KCND3: variants seen among roughly 807,000 people sequenced by gnomAD.
KCND3 encodes A-type voltage-gated potassium channel KCND3.
In KCND3, 9 loss-of-function variants were observed where a neutral mutation model predicts 51.1. The observed-to-expected ratio is 0.18, with a 90% CI of 0.11 to 0.31. The LOEUF is 0.31. KCND3 is among the 10% of genes least tolerant of loss of function. KCND3 has a pLI of 1.00. For missense variants in KCND3, 526 were observed against 903.8 expected, an observed-to-expected ratio of 0.58 and a Z score of 5.36; for synonymous variants, 349 against 368.0, an observed-to-expected ratio of 0.95 and a Z score of 0.59.
At chr1:111,778,523 A>G (rs748382255) in intron 5 of KCND3, 31 bp from the exon 6 acceptor site, 1 of 1,600,924 alleles carries the variant, frequency 6.2e-7, no homozygotes, top group Non-Finnish European at 8.6e-7. Context: ...AGAAGATAAA[A>G]ACACCATTGA....
intron 2 of KCND3, among the ~76,000 whole-genome samples, chr1:111,934,470 C>T (rs987117932): frequency 1.3e-5 from 2 of 152,176 alleles, no homozygotes; most frequent in Admixed American, 6.5e-5. Context: ...GCACCTCAGC[C>T]CCAGACATAG....
intron 2 of KCND3, among the ~76,000 whole-genome samples, chr1:111,936,193 C>T (rs1435324600): frequency 2.0e-5 from 3 of 152,234 alleles, no homozygotes; most frequent in Non-Finnish European, 4.4e-5. Context: ...TGGCTGTGTC[C>T]GTGGGGAGCT....
chr1:111,878,397 C>T (rs1669153578), intron 2 of KCND3, among the ~76,000 whole-genome samples: 1 of 152,212 alleles, frequency 6.6e-6, no homozygotes, highest in Non-Finnish European at 1.5e-5. Context: ...ACTCTGCTTC[C>T]ACCCCAGCCT....
chr1:111,906,742 T>C (rs1427672673), intron 2 of KCND3, among the ~76,000 whole-genome samples: 1 of 152,134 alleles, frequency 6.6e-6, no homozygotes, highest in Non-Finnish European at 1.5e-5. Flanking sequence ...TCTTTCCTTA[T>C]TCCAGATCTC....
At chr1:111,922,564 T>C (rs1671520995) in intron 2 of KCND3, among the ~76,000 whole-genome samples, 1 of 152,262 alleles carries the variant, frequency 6.6e-6, no homozygotes, top group African/African-American at 2.4e-5. Flanking sequence ...TTGCTTATCC[T>C]CTCTGTGCCT....
chr1:111,969,049 A>G (rs948951013), intron 2 of KCND3, among the ~76,000 whole-genome samples: 3 of 152,066 alleles, frequency 2.0e-5, no homozygotes, highest in African/African-American at 4.8e-5. Flanking sequence ...GAAGTTTATA[A>G]TACATGAAAG....
At chr1:111,782,183 GTTCATCTGCTAAAAGGAGGCC>G (rs1664416997) in intron 3 of KCND3, among the ~76,000 whole-genome samples, 1 of 152,150 alleles carries the variant, frequency 6.6e-6, no homozygotes, top group Non-Finnish European at 1.5e-5. Flanking sequence ...TGCTGGGCTG[GTTCATCTGCTAAAAGGAGGCC>G]ACAGTCTCAG....
chr1:111,822,687 T>C (rs1429426641), intron 2 of KCND3, among the ~76,000 whole-genome samples: 3 of 152,256 alleles, frequency 2.0e-5, no homozygotes, highest in African/African-American at 2.4e-5. Flanking sequence ...TGAATACCTG[T>C]TGGAGTCCTG....
rs990437269 is a variant in KCND3 at position 111,773,711 on chromosome 1, G to T, written c.*2366C>A. The stretch of plus-strand genomic sequence containing the variant: ...GCTGGGATTACAGATGTGAGCCACC[G>T]CGCCCAGCCCTATTTACCTCTTTAT... On this transcript the variant is annotated 3_prime_UTR_variant, in exon 8 of 8. Transcript: ENST00000302127. The T allele has an allele frequency of 6.6e-6, 1 of 152,014 alleles. No individual in the cohort carries two copies. The highest frequency in any genetic ancestry group is 2.1e-4 in the South Asian group (1 of 4,820). The allele number at this position is 152,014 out of a possible 1,614,324, so 9.4% of individuals were successfully genotyped here.
chr1:111,878,709 G>A (rs539004648), intron 2 of KCND3, among the ~76,000 whole-genome samples: 3 of 152,340 alleles, frequency 2.0e-5, no homozygotes, highest in African/African-American at 4.8e-5. Context: ...CTGCCCCCTG[G>A]AACAGCAGTT....
At chr1:111,830,616 T>C (rs1666793842) in intron 2 of KCND3, among the ~76,000 whole-genome samples, 1 of 152,182 alleles carries the variant, frequency 6.6e-6, no homozygotes, top group South Asian at 2.1e-4. Flanking sequence ...GTAAGGCTGG[T>C]TTTCTTTATA....
rs115016274 is a variant in KCND3 at position 111,832,004 on chromosome 1, G to A, written c.1107-44898C>T. Reference sequence around the variant, plus strand: ...CATGGTTATGGAAGCCCACTGAACTGGGATCCTCAATGGGGGGAATATACT... The same window carrying A: ...CATGGTTATGGAAGCCCACTGAACTAGGATCCTCAATGGGGGGAATATACT... On this transcript the variant is annotated intron_variant, in intron 2 of 7. Transcript: ENST00000302127. Among the ~76,000 whole-genome samples the A allele has an allele frequency of 7.5e-4, 114 of 152,292 alleles. 2 individuals are homozygous for A. Among genetic ancestry groups the A allele is most frequent in the African/African-American group, 2.6e-3 (107 of 41,562 alleles).
At chr1:111,978,611 C>T (rs1190286583) in intron 2 of KCND3, among the ~76,000 whole-genome samples, 1 of 152,190 alleles carries the variant, frequency 6.6e-6, no homozygotes, top group Non-Finnish European at 1.5e-5. Context: ...ACAAGAAGAT[C>T]TCCACAGTAC....
intron 2 of KCND3, among the ~76,000 whole-genome samples, chr1:111,862,691 C>T (rs1363984270): frequency 6.6e-6 from 1 of 152,216 alleles, no homozygotes; most frequent in Non-Finnish European, 1.5e-5. Flanking sequence ...TGACCTTAAC[C>T]TCCCTTACCT....
intron 2 of KCND3, among the ~76,000 whole-genome samples, chr1:111,799,898 C>A (rs1665217906): frequency 6.6e-6 from 1 of 152,222 alleles, no homozygotes; most frequent in Non-Finnish European, 1.5e-5. Flanking sequence ...GGTCTCCTGT[C>A]AATAGGAAGA....
intron 2 of KCND3, among the ~76,000 whole-genome samples, chr1:111,944,598 G>T (rs1672690367): frequency 6.6e-6 from 1 of 152,236 alleles, no homozygotes; most frequent in Non-Finnish European, 1.5e-5. Flanking sequence ...CCTCCCAGCA[G>T]GCTGTGTGGG....
intron 2 of KCND3, among the ~76,000 whole-genome samples, chr1:111,812,963 C>G (rs1468926554): frequency 6.6e-6 from 1 of 152,200 alleles, no homozygotes; most frequent in African/African-American, 2.4e-5. Context: ...TCTAGAACTG[C>G]TAGAGGCAGG....
At chr1:111,961,816 C>T (rs1156592487) in intron 2 of KCND3, among the ~76,000 whole-genome samples, 2 of 152,182 alleles carry the variant, frequency 1.3e-5, no homozygotes, top group Admixed American at 6.5e-5. Context: ...CTGGGGCTAT[C>T]GCCTCAGCTT....
At chr1:111,886,976 G>A (rs1451116260) in intron 2 of KCND3, among the ~76,000 whole-genome samples, 1 of 152,146 alleles carries the variant, frequency 6.6e-6, no homozygotes, top group Non-Finnish European at 1.5e-5. Context: ...CCTGTTTCAT[G>A]CTTACCACAC....
Sources: allele counts gnomAD v4.1 joint callset (sites outside exome capture counted in the v4.1 genomes callset), GRCh38; gene constraint gnomAD v4.1.1; transcripts MANE v1.5; gene names NCBI Gene and HGNC (gene_info 2026-07-23, HGNC 2026-07-21).